The following BRSK2 variants were observed in gnomAD, a reference collection of about 807,000 sequenced individuals.
BRSK2 encodes serine/threonine-protein kinase BRSK2.
A neutral mutation model predicts 83.3 loss-of-function variants in BRSK2; 19 were observed. The observed-to-expected ratio is 0.23, with a 90% confidence interval of 0.16 to 0.33. BRSK2 has a LOEUF of 0.33. Among genes scored for constraint, BRSK2 ranks in the 10% least tolerant of loss-of-function variants. The pLI, the probability that BRSK2 is intolerant of heterozygous loss-of-function variation, is 1.00. For missense variants in BRSK2, 798 were observed against 1,042.3 expected (o/e 0.77, Z 3.23); for synonymous variants, 519 against 435.4 (o/e 1.19, Z -2.39).
chr11:1,455,222 A>G (rs1327401274), intron 16 of BRSK2, among the ~76,000 whole-genome samples: 2 of 152,034 alleles, frequency 1.3e-5, no homozygotes, highest in Non-Finnish European at 2.9e-5. Context: ...GGACTCCAGC[A>G]CCCAGTCCCA....
At chr11:1,448,154 G>C (rs1002490910) in intron 12 of BRSK2, among the ~76,000 whole-genome samples, 2 of 152,198 alleles carry the variant, frequency 1.3e-5, no homozygotes, top group African/African-American at 4.8e-5. Context: ...CCTCCTGCCA[G>C]CCCCTGTGCT....
intron 6 of BRSK2, 64 bp downstream of exon 6, chr11:1,443,203 G>T: frequency 6.6e-7 from 1 of 1,525,002 alleles, no homozygotes. Flanking sequence ...GACCCTGGTG[G>T]GACCCCAGCC....
rs928053159 is a variant in BRSK2 at position 1,454,712 on chromosome 11, A to G, written c.1668+104A>G. The G allele has an allele frequency of 2.8e-6, 4 of 1,412,294 alleles. No homozygotes were observed. The highest frequency in any genetic ancestry group is 3.9e-6 in the Non-Finnish European group (4 of 1,035,132). The allele number at this position is 1,412,294 out of a possible 1,614,324, so 87.5% of individuals were successfully genotyped here. A position where few individuals can be genotyped will look rare whatever the true frequency, so the allele number is the denominator to read the frequency against. On this transcript the variant is annotated intron_variant, in intron 16 of 19. Coordinates refer to ENST00000528841, the MANE Select transcript of BRSK2 (RefSeq NM_001256627.2). The surrounding 1 kb of genome is among the most constrained non-coding windows in gnomAD (Gnocchi z 5.2). Reference sequence around the variant, plus strand: ...ACGTAGACAGGACATGTCCACGCGCACAGCACGGACGTCCGCTCACCCGTG... The same window carrying G: ...ACGTAGACAGGACATGTCCACGCGCGCAGCACGGACGTCCGCTCACCCGTG...
At chr11:1,424,332 G>A (rs907036940) in intron 1 of BRSK2, among the ~76,000 whole-genome samples, 6 of 152,204 alleles carry the variant, frequency 3.9e-5, no homozygotes, top group African/African-American at 1.4e-4. Context: ...GGGTGCCCCA[G>A]CACTGGGTGG....
At chr11:1,448,017 G>A (rs1852391098) in intron 12 of BRSK2, among the ~76,000 whole-genome samples, 1 of 152,170 alleles carries the variant, frequency 6.6e-6, no homozygotes, top group Non-Finnish European at 1.5e-5. Flanking sequence ...AAGGGCCCGC[G>A]GGCCAGGCAG....
At chr11:1,412,772 C>T (rs542175984) in intron 1 of BRSK2, among the ~76,000 whole-genome samples, 1 of 152,296 alleles carries the variant, frequency 6.6e-6, no homozygotes, top group East Asian at 1.9e-4. Context: ...GGCAACGGTG[C>T]CCTGGCTGCA....
chr11:1,397,526 C>CG (rs971896284), intron 1 of BRSK2, among the ~76,000 whole-genome samples: 3 of 152,232 alleles, frequency 2.0e-5, no homozygotes, highest in African/African-American at 7.2e-5. Context: ...CCTTCAGTCC[C>CG]GGGGCCCACG....
rs1044860327 is a variant in BRSK2, at chr11:1,459,220, G to C, written c.1968G>C (p.Thr656=). Residue 656 remains threonine (T), a synonymous_variant, in exon 19 of 20, where the codon ACG becomes ACC. Coordinates refer to ENST00000528841, the MANE Select transcript of BRSK2 (RefSeq NM_001256627.2). ...SDTTNCMEMM[T]GRLSKCGSPL... is the part of the protein sequence containing the mutation. ...CCACTAACTGTATGGAAATGATGAC[G>C]GGGCGGCTTTCCAAATGTGGTAAGA... 20 of 1,613,636 alleles carry C rather than the reference G, an allele frequency of 1.2e-5. No homozygotes were observed. Among genetic ancestry groups the C allele is most frequent in the East Asian group, 2.2e-5 (1 of 44,896 alleles).
At chr11:1,397,244 C>T (rs1419441060) in intron 1 of BRSK2, among the ~76,000 whole-genome samples, 1 of 152,206 alleles carries the variant, frequency 6.6e-6, no homozygotes, top group African/African-American at 2.4e-5. Flanking sequence ...GGCCAGGCTG[C>T]CCTGAGCCAG....
intron 1 of BRSK2, among the ~76,000 whole-genome samples, chr11:1,412,696 A>T (rs1045240059): frequency 4.5e-4 from 69 of 152,178 alleles, no homozygotes; most frequent in Non-Finnish European, 6.9e-4. Flanking sequence ...TGAGCCAGGG[A>T]CAGTGGCTGG....
intron 1 of BRSK2, among the ~76,000 whole-genome samples, chr11:1,429,456 A>T (rs115112369): frequency 6.8e-6 from 1 of 147,372 alleles, no homozygotes; most frequent in African/African-American, 2.7e-5. Flanking sequence ...ACACAGGTGC[A>T]TGTCTGTGTG....
At chr11:1,411,008 C>A in intron 1 of BRSK2, 4 of 998,010 alleles carry the variant, frequency 4.0e-6, no homozygotes, top group Non-Finnish European at 4.8e-6. Context: ...GCGGAGAGAA[C>A]AGCCGTGCGT....
rs1392048606 is a variant in BRSK2, at chr11:1,459,222, G to A, written c.1970G>A (p.Gly657Glu). The A allele has an allele frequency of 1.2e-6, 2 of 1,613,810 alleles. No individual in the cohort carries two copies. Among genetic ancestry groups the A allele is most frequent in the Non-Finnish European group, 1.7e-6 (2 of 1,179,878 alleles). The change falls in exon 19 of 20, where the codon GGG becomes GAG. Residue 657 changes from glycine to glutamate, a missense_variant. By Grantham distance (98) the Gly-to-Glu change is moderately conservative. Around this residue, in one of 6 missense-constraint regions of BRSK2, gnomAD observed 455 missense variants for 455.2 expected, o/e 1.00. Transcript: ENST00000528841. ...DTTNCMEMMT[G>E]RLSKCGSPLS... ...ACTAACTGTATGGAAATGATGACGG[G>A]GCGGCTTTCCAAATGTGGTAAGAAT...
intron 1 of BRSK2, among the ~76,000 whole-genome samples, chr11:1,429,212 C>T (rs1301227487): frequency 3.0e-4 from 41 of 136,234 alleles, no homozygotes; most frequent in South Asian, 4.7e-4. Flanking sequence ...TGTGTGCACG[C>T]GGTGTGTGGG....
At chr11:1,435,206 A>G (rs749247190) in intron 1 of BRSK2, among the ~76,000 whole-genome samples, 221 of 127,182 alleles carry the variant, frequency 1.7e-3, no homozygotes, top group African/African-American at 2.1e-3. Context: ...GCATCTCAGC[A>G]GAGGAGGGGT....
At chr11:1,402,628 C>T (rs774933818) in intron 1 of BRSK2, among the ~76,000 whole-genome samples, 54 of 141,926 alleles carry the variant, frequency 3.8e-4, no homozygotes, top group Non-Finnish European at 8.1e-4. Flanking sequence ...TCCCCACACA[C>T]AGGAGAGGGT....
rs537785404 is a variant in BRSK2, at chr11:1,450,261, C to G, written c.1288-326C>G. On this transcript the variant is annotated intron_variant, in intron 13 of 19. Coordinates refer to ENST00000528841, the MANE Select transcript of BRSK2 (RefSeq NM_001256627.2). ...GTCCTGCCCCCACCGCCCCCCGAGC[C>G]GCCCTTCGTGGCCCGCCCCCTGGCC... Among the ~76,000 whole-genome samples, 777 of 151,978 alleles carry G rather than the reference C, an allele frequency of 5.1e-3. 10 individuals are homozygous for G. The highest frequency in any genetic ancestry group is 0.018 in the African/African-American group (737 of 41,452).
At chr11:1,422,317 C>G (rs1590417910) in intron 1 of BRSK2, among the ~76,000 whole-genome samples, 1 of 152,150 alleles carries the variant, frequency 6.6e-6, no homozygotes, top group East Asian at 1.9e-4. Flanking sequence ...CTGCCCTCCT[C>G]CAGCCGCTCC....
chr11:1,399,256 A>G (rs1439669883), intron 1 of BRSK2, among the ~76,000 whole-genome samples: 2 of 152,126 alleles, frequency 1.3e-5, no homozygotes, highest in Non-Finnish European at 2.9e-5. Context: ...ACTTGTGTCC[A>G]CACCGCAGTT....
Sources: gnomAD v4.1 joint callset for allele counts (sites outside exome capture counted in the v4.1 genomes callset) on GRCh38, gnomAD v4.1.1 for gene constraint, gnomAD v4.1.1 regional missense constraint, Gnocchi (gnomAD v3.1) non-coding constraint, MANE v1.5 for transcripts, NCBI Gene and HGNC (gene_info 2026-07-23, HGNC 2026-07-21) for gene names.